Variants in CUX1 observed in about 807,000 individuals in gnomAD.
The protein encoded by CUX1 is protein CASP.
In CUX1, 31 loss-of-function variants were observed where a neutral mutation model predicts 158.8. The observed-to-expected ratio is 0.20, with a 90% CI of 0.15 to 0.26. The LOEUF (loss-of-function observed/expected upper bound fraction) is 0.26. Ranked by LOEUF, CUX1 falls within the 10% of genes least tolerant of loss-of-function variation. CUX1 has a pLI of 1.00. For synonymous variants in CUX1, 879 were observed against 862.1 expected (o/e 1.02, Z -0.34); for missense variants, 1,589 against 2,014.6 (o/e 0.79, Z 4.04).
At chr7:101,841,289 G>A (rs1795174258) in intron 1 of CUX1, among the ~76,000 whole-genome samples, 1 of 151,812 alleles carries the variant, frequency 6.6e-6, no homozygotes, top group South Asian at 2.1e-4. Context: ...TGTGATCATA[G>A]TATTTTTTTT....
intron 2 of CUX1, among the ~76,000 whole-genome samples, chr7:101,948,128 C>T (rs1808615178): frequency 6.6e-6 from 1 of 152,168 alleles, no homozygotes; most frequent in African/African-American, 2.4e-5. Context: ...GAAATCAGCC[C>T]CAATTACTAT....
intron 2 of CUX1, among the ~76,000 whole-genome samples, chr7:102,026,860 TA>T (rs1178548467): frequency 1.4e-5 from 2 of 144,908 alleles, no homozygotes; most frequent in African/African-American, 5.1e-5. Flanking sequence ...TTTCAATGCC[TA>T]AACTTTCAGT....
chr7:101,848,561 C>T (rs74490832), intron 1 of CUX1, among the ~76,000 whole-genome samples: 4,564 of 152,090 alleles, frequency 0.03, 226 homozygotes, highest in African/African-American at 0.1. Flanking sequence ...GAATTTTCTC[C>T]CCCTTGTATT....
intron 20 of CUX1, among the ~76,000 whole-genome samples, chr7:102,221,317 G>A (rs1027316654): frequency 1.3e-5 from 2 of 152,222 alleles, no homozygotes; most frequent in Admixed American, 6.5e-5. Context: ...CAGTAAAAAT[G>A]TCACTTACAA....
intron 8 of CUX1, among the ~76,000 whole-genome samples, chr7:102,147,691 C>T (rs562173659): frequency 6.6e-6 from 1 of 152,234 alleles, no homozygotes; most frequent in African/African-American, 2.4e-5. Context: ...TCAGGTATCA[C>T]AGGTGTCATT....
intron 22 of CUX1, chr7:102,282,949 C>T (rs1792216077): frequency 8.9e-7 from 1 of 1,126,862 alleles, no homozygotes; most frequent in Non-Finnish European, 1.3e-6. Flanking sequence ...TAGCCCCACC[C>T]CATCACATGG....
At chr7:102,129,735 A>G (rs1244338994) in intron 8 of CUX1, among the ~76,000 whole-genome samples, 4 of 152,186 alleles carry the variant, frequency 2.6e-5, no homozygotes, top group South Asian at 2.1e-4. Context: ...ACTGTCTTCT[A>G]TGTGCCACAT....
At chr7:102,093,865 GAC>G (rs1400498495) in intron 4 of CUX1, among the ~76,000 whole-genome samples, 1 of 152,144 alleles carries the variant, frequency 6.6e-6, no homozygotes, top group African/African-American at 2.4e-5. Flanking sequence ...AGGCTGGGAA[GAC>G]AGGGGTTACC....
At position 102,251,286 on chromosome 7, in the gene CUX1, G is replaced by C. The variant is rs1381879708; in HGVS notation, c.*2244G>C. On this transcript the variant is annotated 3_prime_UTR_variant, in exon 24 of 24. Coordinates refer to ENST00000292535, the MANE Select transcript of CUX1 (RefSeq NM_181552.4). The stretch of plus-strand genomic sequence containing the variant: ...AGTTATAATTTTAAAGGTATGCTCT[G>C]GCTGTTCCACCTCCGTGTGCTTGTT... 7.1e-6 allele frequency: 7 copies of C among 984,946 alleles called. No individual in the cohort carries two copies. The highest frequency in any genetic ancestry group is 1.8e-5 in the African/African-American group (1 of 57,122). 61.0% of individuals were successfully genotyped at this position (984,946 alleles called of 1,614,324 possible). A position where few individuals can be genotyped will look rare whatever the true frequency, so the allele number is the denominator to read the frequency against.
In CUX1 at chr7:102,063,427, C is replaced by T. The variant is rs188364152; in HGVS notation, c.190-6912C>T. Among the ~76,000 whole-genome samples, 195 of 117,844 alleles carry T rather than the reference C, an allele frequency of 1.7e-3. 3 individuals are homozygous for T. The East Asian group carries it at 0.029, about 17-fold the overall frequency. 77.3% of individuals were successfully genotyped at this position (117,844 alleles called of 152,430 possible). A position where few individuals can be genotyped will look rare whatever the true frequency, so the allele number is the denominator to read the frequency against. ...TTTTTGAGACGGAGTCTCACTCTGT[C>T]GCCCAGGCTGAAGTGCAATGGCACG... is the stretch of plus-strand genomic sequence containing the variant. On this transcript the variant is annotated intron_variant, in intron 3 of 23. Transcript: ENST00000292535.
intron 15 of CUX1, among the ~76,000 whole-genome samples, chr7:102,197,528 C>T (rs531429326): frequency 1.6e-3 from 243 of 152,318 alleles, no homozygotes; most frequent in Non-Finnish European, 2.7e-3. Flanking sequence ...CTCAGCACTC[C>T]ATACTTAGGA....
chr7:102,236,317 C>T (rs1390934572), intron 22 of CUX1, among the ~76,000 whole-genome samples: 2 of 152,200 alleles, frequency 1.3e-5, no homozygotes, highest in African/African-American at 4.8e-5. Context: ...TCTGGCCTGC[C>T]CTTGGGCCTG....
chr7:102,200,191 C>T lies in CUX1; in HGVS notation c.2062+19C>T, dbSNP rs1554519250. On this transcript the variant is annotated intron_variant, in intron 17 of 23. Transcript: ENST00000292535. Reference sequence around the variant, plus strand: ...AAAACTGGTACAGCTTCCATTTCTTCATCCACTGTCTTCAAACTTAATTAA... The same window carrying T: ...AAAACTGGTACAGCTTCCATTTCTTTATCCACTGTCTTCAAACTTAATTAA... The T allele has an allele frequency of 6.3e-7, 1 of 1,582,280 alleles. No homozygotes were observed. Among genetic ancestry groups the T allele is most frequent in the South Asian group, 1.1e-5 (1 of 88,174 alleles).
chr7:101,988,240 C>T (rs774503693), intron 2 of CUX1, among the ~76,000 whole-genome samples: 4 of 152,002 alleles, frequency 2.6e-5, no homozygotes, highest in East Asian at 3.9e-4. Flanking sequence ...AGCTGTTCTC[C>T]GTGAGTCAGC....
intron 1 of CUX1, among the ~76,000 whole-genome samples, chr7:101,876,669 TG>T (rs1257631634): frequency 1.1e-4 from 17 of 151,502 alleles, no homozygotes; most frequent in Non-Finnish European, 1.5e-5. Flanking sequence ...TGCTCTGACC[TG>T]GCAACATAGC....
intron 8 of CUX1, among the ~76,000 whole-genome samples, chr7:102,150,350 T>C (rs932318107): frequency 2.6e-5 from 4 of 152,122 alleles, no homozygotes; most frequent in Non-Finnish European, 5.9e-5. Context: ...GAGGCAGGGT[T>C]TCATCATGTT....
At chr7:102,234,282 C>G (rs1799307910) in intron 22 of CUX1, 42 bp downstream of exon 22, 1 of 1,440,642 alleles carries the variant, frequency 6.9e-7, no homozygotes, top group Non-Finnish European at 9.2e-7. Context: ...CGTCCGCATT[C>G]ATAGACAGGC....
At chr7:101,849,126 G>T (rs1796004371) in intron 1 of CUX1, among the ~76,000 whole-genome samples, 1 of 152,092 alleles carries the variant, frequency 6.6e-6, no homozygotes, top group Non-Finnish European at 1.5e-5. Context: ...TGAGTTGGGG[G>T]TATGAGAGGG....
chr7:102,102,513 C>T (rs1554486829), intron 5 of CUX1, among the ~76,000 whole-genome samples: 3 of 151,276 alleles, frequency 2.0e-5, no homozygotes, highest in African/African-American at 7.3e-5. Context: ...CCTGCTCTGG[C>T]CAGCGCATGT....
Sources: allele counts gnomAD v4.1 joint callset (sites outside exome capture counted in the v4.1 genomes callset), GRCh38; gene constraint gnomAD v4.1.1; transcripts MANE v1.5; gene names NCBI Gene and HGNC (gene_info 2026-07-23, HGNC 2026-07-21).